The following SMAD4 variants were observed in gnomAD, a reference collection of about 807,000 sequenced individuals.
SMAD4 encodes MAD homolog 4.
A neutral mutation model predicts 63.2 loss-of-function variants in SMAD4; 7 were observed. The observed-to-expected ratio is 0.11, with a 90% CI of 0.06 to 0.21. The LOEUF (loss-of-function observed/expected upper bound fraction) is 0.21. Among genes scored for constraint, SMAD4 ranks in the 10% least tolerant of loss-of-function variants. The probability of loss-of-function intolerance (pLI) is 1.00; values close to 1 mark genes in which losing one functional copy is unlikely to be tolerated. For synonymous variants in SMAD4, 215 were observed against 235.4 expected (o/e 0.91, Z 0.79); for missense variants, 312 against 693.8 (o/e 0.45, Z 6.18).
chr18:51,077,764 A>G (rs1223490085), intron 11 of SMAD4, among the ~76,000 whole-genome samples: 2 of 152,196 alleles, frequency 1.3e-5, no homozygotes, highest in Non-Finnish European at 2.9e-5. Flanking sequence ...ACTGAGTAAT[A>G]GTGTATTACT....
In SMAD4 at chr18:51,047,214, T is replaced by A. The variant is rs1333506128; in HGVS notation, c.168T>A (p.Ser56=). ...KLKEKKDELD[S]LITAITTNGA... is the part of the protein sequence containing the mutation. ...AGGAGAAAAAAGATGAATTGGATTC[T>A]TTAATAACAGCTATAACTACAAATG... Residue 56 remains serine (S), a synonymous_variant, in exon 2 of 12, where the codon TCT becomes TCA. Transcript: ENST00000342988. 6.2e-7 allele frequency: 1 copy of A among 1,613,898 alleles called. No individual in the cohort carries two copies. Among genetic ancestry groups the A allele is most frequent in the Non-Finnish European group, 8.5e-7 (1 of 1,179,782 alleles).
chr18:51,062,669 T>A (rs1910044451), intron 8 of SMAD4, among the ~76,000 whole-genome samples: 1 of 149,570 alleles, frequency 6.7e-6, no homozygotes. Flanking sequence ...TGGCTAATTT[T>A]TGTATTGTTA....
intron 4 of SMAD4, among the ~76,000 whole-genome samples, chr18:51,050,024 T>A (rs1050244529): frequency 6.6e-6 from 1 of 152,144 alleles, no homozygotes; most frequent in South Asian, 2.1e-4. Context: ...AAACTAAAAT[T>A]TCTGTAAGAA....
rs755827115 is a variant in SMAD4, at chr18:51,079,965, G to GT, written c.*1512dup. 13,384 of 191,582 alleles carry GT rather than the reference G, an allele frequency of 0.07. 42 individuals carry two copies. Among genetic ancestry groups the GT allele is most frequent in the East Asian group, 0.19 (2,267 of 12,106 alleles). The allele number at this position is 191,582 out of a possible 1,614,324, so 11.9% of individuals were successfully genotyped here. ...ACATTGTGTATCATGTGTAGAGTTG[G>GT]TTTTTTTTTTTTTTAATTTTTATTT... On this transcript the variant is annotated 3_prime_UTR_variant, in exon 12 of 12. Transcript: ENST00000342988.
intron 10 of SMAD4, among the ~76,000 whole-genome samples, chr18:51,073,361 TTATATATATATATA>T (rs35099364): frequency 4.5e-5 from 1 of 22,218 alleles, no homozygotes; most frequent in Admixed American, 5.4e-4. Context: ...CCAGATAACA[TTATATATATATATA>T]TATATATATA....
intron 5 of SMAD4, among the ~76,000 whole-genome samples, chr18:51,057,321 TA>T (rs561879414): frequency 6.6e-6 from 1 of 150,532 alleles, no homozygotes; most frequent in Non-Finnish European, 1.5e-5. Context: ...ATTTCCACTT[TA>T]AAAAAAAAGC....
chr18:51,043,602 A>G lies in SMAD4; in HGVS notation c.-127-3318A>G, dbSNP rs191217645. On this transcript the variant is annotated intron_variant, in intron 1 of 11. Coordinates refer to ENST00000342988, the MANE Select transcript of SMAD4 (RefSeq NM_005359.6). Reference sequence around the variant, plus strand: ...AATTATGTTTCAGGCACTTGTGGTCATAGGAATACAATAAAGAGAGAGATG... The same window carrying G: ...AATTATGTTTCAGGCACTTGTGGTCGTAGGAATACAATAAAGAGAGAGATG... Among the ~76,000 whole-genome samples the G allele has an allele frequency of 1.7e-3, 261 of 152,288 alleles. 1 individual carries two copies. Among genetic ancestry groups the G allele is most frequent in the Middle Eastern group, 0.01 (3 of 294 alleles).
intron 1 of SMAD4, among the ~76,000 whole-genome samples, chr18:51,046,428 TA>T (rs1404582579): frequency 7.1e-6 from 1 of 141,276 alleles, no homozygotes; most frequent in Non-Finnish European, 1.5e-5. Flanking sequence ...TGTTCATTTC[TA>T]AATTGGGGTT....
intron 8 of SMAD4, among the ~76,000 whole-genome samples, chr18:51,065,164 G>A (rs915206119): frequency 6.6e-6 from 1 of 151,774 alleles, no homozygotes; most frequent in Non-Finnish European, 1.5e-5. Context: ...TAGAACTTGA[G>A]GATAAGTGGT....
chr18:51,063,000 C>A (rs966422666), intron 8 of SMAD4, among the ~76,000 whole-genome samples: 3 of 151,412 alleles, frequency 2.0e-5, no homozygotes, highest in African/African-American at 7.3e-5. Flanking sequence ...ACTATAGGCG[C>A]CCGCCACCAC....
At chr18:51,062,851 GTTTTTT>G (rs71171374) in intron 8 of SMAD4, among the ~76,000 whole-genome samples, 66 of 65,392 alleles carry the variant, frequency 1.0e-3, no homozygotes, top group African/African-American at 3.7e-3. Context: ...GGCTTTACTT[GTTTTTT>G]TTTTTTTTTT....
At position 51,076,718 on chromosome 18, in the gene SMAD4, A is replaced by T. The variant is rs1599204151; in HGVS notation, c.1389A>T (p.Ala463=). Residue 463 remains alanine, a synonymous_variant, in exon 11 of 12, where the codon GCA becomes GCT. Transcript: ENST00000342988. The stretch of plus-strand genomic sequence containing the variant: ...AAGCTGCAGCAGCTGCCCAGGCAGC[A>T]GCCGTGGCAGGAAACATCCCTGGCC... ...TAQAAAAAQA[A]AVAGNIPGPG... The T allele has an allele frequency of 5.0e-6, 8 of 1,610,842 alleles. No homozygotes were observed. Among genetic ancestry groups the T allele is most frequent in the Non-Finnish European group, 6.8e-6 (8 of 1,176,910 alleles).
intron 1 of SMAD4, among the ~76,000 whole-genome samples, chr18:51,034,540 C>G (rs534005503): frequency 1.3e-5 from 2 of 152,082 alleles, no homozygotes; most frequent in African/African-American, 4.8e-5. Flanking sequence ...CATGAGCCAC[C>G]GCGCCCAGCC....
At chr18:51,075,294 T>G (rs954359533) in intron 10 of SMAD4, among the ~76,000 whole-genome samples, 6 of 152,198 alleles carry the variant, frequency 3.9e-5, no homozygotes, top group African/African-American at 1.4e-4. Context: ...ATCTGAAAAT[T>G]ATGGTTTAAG....
rs10470 is a variant in SMAD4, at chr18:51,079,646, T to C, written c.*1179T>C. 0.029 allele frequency: 6,780 copies of C among 233,440 alleles called. 142 individuals carry two copies. Among genetic ancestry groups the C allele is most frequent in the Non-Finnish European group, 0.041 (4,827 of 117,930 alleles). 14.5% of individuals were successfully genotyped at this position (233,440 alleles called of 1,614,324 possible). A position where few individuals can be genotyped will look rare whatever the true frequency, so the allele number is the denominator to read the frequency against. ...ATTCTAAGCCCTTTGCCATCAATGA[T>C]CATATCAATTGGCAGTGACTTTGTA... is the stretch of plus-strand genomic sequence containing the variant. On this transcript the variant is annotated 3_prime_UTR_variant, in exon 12 of 12. Transcript: ENST00000342988.
At chr18:51,073,431 A>C (rs1003554660) in intron 10 of SMAD4, among the ~76,000 whole-genome samples, 3 of 132,240 alleles carry the variant, frequency 2.3e-5, no homozygotes, top group Admixed American at 8.0e-5. Context: ...ACACACACAC[A>C]CACCATACTT....
intron 9 of SMAD4, among the ~76,000 whole-genome samples, chr18:51,065,808 G>T (rs995251000): frequency 6.6e-6 from 1 of 152,112 alleles, no homozygotes; most frequent in Non-Finnish European, 1.5e-5. Context: ...AATGATAAAA[G>T]ATAGCCTTTT....
At position 51,063,402 on chromosome 18, in the gene SMAD4, A is replaced by G. The variant is rs143137726; in HGVS notation, c.956-2021A>G. On this transcript the variant is annotated intron_variant, in intron 8 of 11. Transcript: ENST00000342988. ...TACCTTCACATTACATTTTCTATAGACAATATATATATATTTTTTTAAATT... is the reference window on the plus strand; with the variant it reads ...TACCTTCACATTACATTTTCTATAGGCAATATATATATATTTTTTTAAATT... Among the ~76,000 whole-genome samples, 513 of 151,930 alleles carry G rather than the reference A, an allele frequency of 3.4e-3. 6 individuals are homozygous for G. In the East Asian group the frequency reaches 0.043, roughly 13 times the overall value.
intron 10 of SMAD4, among the ~76,000 whole-genome samples, chr18:51,072,137 A>G (rs894223399): frequency 5.9e-5 from 9 of 152,226 alleles, no homozygotes; most frequent in Admixed American, 2.0e-4. Context: ...GGATTGTAAG[A>G]TAACTCTATG....
Sources: allele counts gnomAD v4.1 joint callset (sites outside exome capture counted in the v4.1 genomes callset), GRCh38; gene constraint gnomAD v4.1.1; transcripts MANE v1.5; gene names NCBI Gene and HGNC (gene_info 2026-07-23, HGNC 2026-07-21).